The following CDKL4 variants were observed in gnomAD, a reference collection of about 807,000 sequenced individuals.
CDKL4 encodes cyclin dependent kinase like 4, also known as cyclin-dependent kinase-like 4.
Under a neutral mutation model 42.0 loss-of-function variants are expected in CDKL4, and 44 were observed. The ratio of observed to expected loss-of-function variants is 1.05; its 90% confidence interval spans 0.82 to 1.35. The LOEUF (loss-of-function observed/expected upper bound fraction) is 1.35. Ranked by LOEUF, CDKL4 falls within the 40% of genes most tolerant of loss-of-function variation. CDKL4 has a pLI of 0.00. For missense variants in CDKL4, 393 were observed against 369.9 expected (o/e 1.06, Z -0.51); for synonymous variants, 120 against 121.6 (o/e 0.99, Z 0.09).
chr2:39,172,449 T>C (rs143732571), downstream of CDKL4, among the ~76,000 whole-genome samples: 2 of 152,238 alleles, frequency 1.3e-5, no homozygotes, highest in East Asian at 3.9e-4. Flanking sequence ...GTGAGAGATA[T>C]GTATTTGAAA....
intron 3 of CDKL4, among the ~76,000 whole-genome samples, chr2:39,215,732 G>A (rs1214723668): frequency 1.3e-5 from 2 of 152,196 alleles, no homozygotes; most frequent in East Asian, 3.8e-4. Flanking sequence ...AGTATATGCA[G>A]AGAAACAGCA....
intron 1 of CDKL4, among the ~76,000 whole-genome samples, chr2:39,235,052 AT>A (rs1466469891): frequency 4.0e-5 from 6 of 151,898 alleles, no homozygotes; most frequent in African/African-American, 1.5e-4. Flanking sequence ...TTATTTATTT[AT>A]TTTTGTAAAG....
exon 1 of CDKL4, among the ~76,000 whole-genome samples, chr2:39,243,873 C>T (rs1313800015): frequency 6.6e-6 from 1 of 152,268 alleles, no homozygotes; most frequent in African/African-American, 2.4e-5. Flanking sequence ...GCACTTACTG[C>T]ACCCACAGGG....
intron 1 of CDKL4, among the ~76,000 whole-genome samples, chr2:39,233,272 C>A (rs1679178580): frequency 6.6e-6 from 1 of 151,786 alleles, no homozygotes; most frequent in East Asian, 1.9e-4. Context: ...TGTAAAAATA[C>A]CCTAAGTGTG....
At chr2:39,201,307 A>AT (rs933631486) in intron 5 of CDKL4, among the ~76,000 whole-genome samples, 19 of 151,522 alleles carry the variant, frequency 1.3e-4, no homozygotes, top group African/African-American at 4.1e-4. Context: ...AAAAAAATAA[A>AT]AAAAAAAAAA....
chr2:39,239,742 T>A (rs1040903995), intron 1 of CDKL4, among the ~76,000 whole-genome samples: 2 of 152,140 alleles, frequency 1.3e-5, no homozygotes, highest in Non-Finnish European at 2.9e-5. Flanking sequence ...AAATCACTGG[T>A]GAGGATGTAA....
chr2:39,190,017 C>A (rs534101121), intron 6 of CDKL4, among the ~76,000 whole-genome samples: 10 of 152,280 alleles, frequency 6.6e-5, no homozygotes, highest in South Asian at 2.1e-4. Flanking sequence ...ATATCCTTAT[C>A]CCTATCTTAG....
intron 4 of CDKL4, among the ~76,000 whole-genome samples, chr2:39,212,158 C>T (rs929506467): frequency 1.6e-4 from 25 of 152,052 alleles, no homozygotes; most frequent in Admixed American, 1.6e-3. Context: ...GCCCAGGAAG[C>T]TGTGTTTTAA....
intron 1 of CDKL4, among the ~76,000 whole-genome samples, chr2:39,233,848 A>C (rs1054905906): frequency 2.0e-5 from 3 of 150,448 alleles, no homozygotes; most frequent in Non-Finnish European, 4.4e-5. Flanking sequence ...TCAGATATTC[A>C]AATCACAAGT....
intron 5 of CDKL4, among the ~76,000 whole-genome samples, chr2:39,196,646 C>T (rs1343018905): frequency 6.6e-6 from 1 of 152,020 alleles, no homozygotes; most frequent in Non-Finnish European, 1.5e-5. Flanking sequence ...CTTGCTCTGT[C>T]ACCTAGGCTG....
At chr2:39,195,744 C>T (rs1320045959) in intron 5 of CDKL4, among the ~76,000 whole-genome samples, 1 of 149,320 alleles carries the variant, frequency 6.7e-6, no homozygotes, top group Non-Finnish European at 1.5e-5. Flanking sequence ...CTGGGTTCAA[C>T]TGACTCTCAT....
At chr2:39,179,129 C>A (rs1244551337) in intron 9 of CDKL4, 58 bp downstream of exon 9, 1 of 1,566,366 alleles carries the variant, frequency 6.4e-7, no homozygotes, top group Non-Finnish European at 8.6e-7. Context: ...GAAAGGCAGA[C>A]AAACAAAAAC....
intron 8 of CDKL4, among the ~76,000 whole-genome samples, chr2:39,183,859 C>T (rs1340430800): frequency 6.6e-6 from 1 of 152,160 alleles, no homozygotes; most frequent in East Asian, 1.9e-4. Context: ...CACTCCAGCA[C>T]TCTGGATAGC....
rs189502455 is a variant in CDKL4 at position 39,192,118 on chromosome 2, T to C, written c.455-1616A>G. On this transcript the variant is annotated intron_variant, in intron 5 of 9. Coordinates refer to ENST00000451199, the Ensembl canonical transcript of CDKL4. ...AATGCCATAATGGAAATTTGGAAAT[T>C]GGAGAATGAGAAGGAAAATAACAAC... Among the ~76,000 whole-genome samples the C allele has an allele frequency of 1.3e-4, 20 of 152,276 alleles. No homozygotes were observed. In the East Asian group the frequency reaches 3.5e-3, roughly 26 times the overall value.
chr2:39,240,407 C>T (rs13031442), intron 1 of CDKL4, among the ~76,000 whole-genome samples: 102,977 of 146,606 alleles, frequency 0.7, 40,021 homozygotes, highest in Non-Finnish European at 0.87. Context: ...GGGACAAGAG[C>T]GAGACTTCGT....
At chr2:39,246,018 T>G (rs548278417), upstream of CDKL4, among the ~76,000 whole-genome samples, 1 of 152,166 alleles carries the variant, frequency 6.6e-6, no homozygotes, top group East Asian at 1.9e-4. Context: ...TGGCTAGAGC[T>G]TACCCATTTT....
downstream of CDKL4, among the ~76,000 whole-genome samples, chr2:39,173,626 G>A (rs1035523773): frequency 2.0e-5 from 3 of 152,066 alleles, no homozygotes; most frequent in African/African-American, 2.4e-5. Context: ...TGGCTAACAC[G>A]GTGAAACCCT....
intron 9 of CDKL4, among the ~76,000 whole-genome samples, chr2:39,176,747 G>C (rs1675184818): frequency 6.6e-6 from 1 of 152,180 alleles, no homozygotes; most frequent in African/African-American, 2.4e-5. Flanking sequence ...ATTTTGAATA[G>C]CTAGAATATT....
chr2:39,179,106 C>A, intron 9 of CDKL4, 81 bp downstream of exon 9: 1 of 1,547,800 alleles, frequency 6.5e-7, no homozygotes, highest in Non-Finnish European at 8.7e-7. Flanking sequence ...TGGTGTCCAC[C>A]TTGTCTCACT....
Sources: gnomAD v4.1 joint callset for allele counts (sites outside exome capture counted in the v4.1 genomes callset) on GRCh38, gnomAD v4.1.1 for gene constraint, MANE v1.5 for transcripts, NCBI Gene and HGNC (gene_info 2026-07-23, HGNC 2026-07-21) for gene names.